TXNRD1: variants seen among roughly 807,000 people sequenced by gnomAD.
The protein encoded by TXNRD1 is thioredoxin reductase 1, cytoplasmic.
In TXNRD1, 57 loss-of-function variants were observed where a neutral mutation model predicts 80.3. The ratio of observed to expected loss-of-function variants is 0.71; its 90% CI spans 0.57 to 0.89. TXNRD1 has a LOEUF of 0.89. TXNRD1 is among the 40% of genes least tolerant of loss of function. The pLI is 0.00. For missense variants in TXNRD1, 730 were observed against 803.0 expected (o/e 0.91, Z 1.10); for synonymous variants, 291 against 285.2 (o/e 1.02, Z -0.20).
chr12:104,321,291 T>G lies in TXNRD1; in HGVS notation c.1190T>G (p.Phe397Cys). 6.2e-7 allele frequency: 1 copy of G among 1,613,972 alleles called. No individual in the cohort carries two copies. Among genetic ancestry groups the G allele is most frequent in the Non-Finnish European group, 8.5e-7 (1 of 1,179,870 alleles). ...CACATGGAAGAACATGGCATCAAGTTTATAAGACAGTTCGTACCAATTAAA... is the reference window on the plus strand; with the variant it reads ...CACATGGAAGAACATGGCATCAAGTGTATAAGACAGTTCGTACCAATTAAA... Reference protein sequence around the residue: ...GEHMEEHGIKFIRQFVPIKVE... With the variant: ...GEHMEEHGIKCIRQFVPIKVE... The change falls in exon 10 of 17, where the codon TTT becomes TGT. Residue 397 changes from phenylalanine (F) to cysteine (C), a missense_variant. Phe to Cys is a radical substitution (Grantham distance 205). Transcript: ENST00000525566.
intron 7 of TXNRD1, among the ~76,000 whole-genome samples, chr12:104,318,184 G>A (rs1282234848): frequency 7.2e-5 from 11 of 152,124 alleles, no homozygotes; most frequent in Admixed American, 5.9e-4. Context: ...TTACTTTAGT[G>A]TCCTGACTTA....
At chr12:104,271,909 T>C (rs1327778535) in intron 3 of TXNRD1, among the ~76,000 whole-genome samples, 2 of 151,474 alleles carry the variant, frequency 1.3e-5, no homozygotes, top group East Asian at 1.9e-4. Flanking sequence ...TGTATTTGGA[T>C]TCACTTTAAG....
intron 1 of TXNRD1, among the ~76,000 whole-genome samples, chr12:104,237,472 T>G (rs2032763867): frequency 6.6e-6 from 1 of 152,122 alleles, no homozygotes; most frequent in Non-Finnish European, 1.5e-5. Flanking sequence ...GGACCCAAAA[T>G]CCAGTATAAA....
chr12:104,306,609 G>C (rs1459990352), intron 4 of TXNRD1, among the ~76,000 whole-genome samples: 2 of 152,150 alleles, frequency 1.3e-5, no homozygotes, highest in African/African-American at 4.8e-5. Context: ...TTCATGTATG[G>C]AGATGAGGTT....
At position 104,327,552 on chromosome 12, in the gene TXNRD1, A is replaced by G. The variant is rs2035806927; in HGVS notation, c.1423A>G (p.Asn475Asp). The G allele has an allele frequency of 1.9e-6, 3 of 1,613,714 alleles. No individual in the cohort carries two copies. Among genetic ancestry groups the G allele is most frequent in the African/African-American group, 1.3e-5 (1 of 74,994 alleles). ...ACCTGTCACAGATGAAGAACAGACC[A>G]ATGTGCCTTACATCTATGCCATTGG... ...KIPVTDEEQT[N>D]VPYIYAIGDI... Residue 475 changes from asparagine to aspartate, a missense_variant, in exon 13 of 17, where the codon AAT becomes GAT. Coordinates refer to ENST00000525566, the MANE Select transcript of TXNRD1 (RefSeq NM_001093771.3).
At chr12:104,326,255 C>A in intron 11 of TXNRD1, 92 bp from the exon 12 acceptor site, 3 of 803,562 alleles carry the variant, frequency 3.7e-6, no homozygotes, top group South Asian at 1.9e-5. Context: ...AAAATGAAAT[C>A]AGATTAGCTT....
At chr12:104,307,601 C>T (rs192352933) in intron 4 of TXNRD1, among the ~76,000 whole-genome samples, 5 of 152,234 alleles carry the variant, frequency 3.3e-5, no homozygotes, top group Non-Finnish European at 7.4e-5. Flanking sequence ...AGTATTTTAA[C>T]GCAGGTTATT....
chr12:104,257,540 G>A (rs2033284400), intron 2 of TXNRD1, among the ~76,000 whole-genome samples: 1 of 151,624 alleles, frequency 6.6e-6, no homozygotes, highest in Non-Finnish European at 1.5e-5. Flanking sequence ...CCGAGTAGCT[G>A]AGATTACAGG....
chr12:104,241,816 C>T (rs918640091), intron 1 of TXNRD1, among the ~76,000 whole-genome samples: 6 of 151,986 alleles, frequency 3.9e-5, no homozygotes, highest in African/African-American at 1.2e-4. Flanking sequence ...GGATTACAGG[C>T]GTGAGCCACC....
chr12:104,305,826 A>G (rs939333684), intron 4 of TXNRD1, among the ~76,000 whole-genome samples: 1 of 152,208 alleles, frequency 6.6e-6, no homozygotes. Flanking sequence ...TTGCTAGTAC[A>G]TAGAATGTCC....
chr12:104,299,404 C>T lies in TXNRD1; in HGVS notation c.414+10364C>T, dbSNP rs2034541958. Among the ~76,000 whole-genome samples, 3 of 151,518 alleles carry T rather than the reference C, an allele frequency of 2.0e-5. No homozygotes were observed. In the South Asian group the frequency reaches 6.3e-4, roughly 32 times the overall value. On this transcript the variant is annotated intron_variant, in intron 4 of 16. Coordinates refer to ENST00000525566, the MANE Select transcript of TXNRD1 (RefSeq NM_001093771.3). ...AATACAGATATCTGTCTTATCATAG[C>T]AAAGTTCACCTTTAATAATAACAAA...
chr12:104,323,496 C>T (rs1354344106), intron 10 of TXNRD1, among the ~76,000 whole-genome samples: 4 of 140,336 alleles, frequency 2.9e-5, no homozygotes, highest in Non-Finnish European at 6.3e-5. Flanking sequence ...AGGCGCCCCT[C>T]ACCTCCCGGA....
chr12:104,306,855 T>C (rs1813970214), intron 4 of TXNRD1, among the ~76,000 whole-genome samples: 2 of 152,132 alleles, frequency 1.3e-5, no homozygotes, highest in East Asian at 3.9e-4. Context: ...AGATCTGCTG[T>C]TGGAAGAAAA....
At chr12:104,338,674 G>A (rs2036224295) in intron 15 of TXNRD1, among the ~76,000 whole-genome samples, 1 of 151,138 alleles carries the variant, frequency 6.6e-6, no homozygotes, top group South Asian at 2.1e-4. Flanking sequence ...TCCAGCCTGG[G>A]CAAGAAGAGC....
At chr12:104,347,798 G>GA (rs2036541016) in intron 16 of TXNRD1, among the ~76,000 whole-genome samples, 2 of 152,070 alleles carry the variant, frequency 1.3e-5, no homozygotes, top group South Asian at 2.1e-4. Context: ...TCCATTCAGT[G>GA]AAAAAAATGG....
At chr12:104,234,296 C>T (rs1028038577) in intron 1 of TXNRD1, among the ~76,000 whole-genome samples, 2 of 151,862 alleles carry the variant, frequency 1.3e-5, no homozygotes, top group African/African-American at 4.8e-5. Context: ...GATTTAAGCA[C>T]ATCTTTTTCT....
intron 4 of TXNRD1, among the ~76,000 whole-genome samples, chr12:104,305,825 C>T (rs2034888923): frequency 6.6e-6 from 1 of 152,196 alleles, no homozygotes; most frequent in Non-Finnish European, 1.5e-5. Flanking sequence ...TTTGCTAGTA[C>T]ATAGAATGTC....
At chr12:104,223,412 G>C (rs2032397668) in intron 1 of TXNRD1, among the ~76,000 whole-genome samples, 1 of 152,136 alleles carries the variant, frequency 6.6e-6, no homozygotes, top group South Asian at 2.1e-4. Context: ...CTTACCTCTT[G>C]GAGCAAGAGC....
At chr12:104,255,865 C>G (rs2033237989) in intron 2 of TXNRD1, among the ~76,000 whole-genome samples, 1 of 152,140 alleles carries the variant, frequency 6.6e-6, no homozygotes, top group South Asian at 2.1e-4. Flanking sequence ...CTGGGTATGT[C>G]AAGTCTTCTA....
Sources: gnomAD v4.1 joint callset for allele counts (sites outside exome capture counted in the v4.1 genomes callset) on GRCh38, gnomAD v4.1.1 for gene constraint, MANE v1.5 for transcripts, NCBI Gene and HGNC (gene_info 2026-07-23, HGNC 2026-07-21) for gene names.